Variants in DOCK3 observed in about 807,000 individuals in gnomAD.
DOCK3 encodes dedicator of cytokinesis protein 3.
DOCK3 carries 60 observed loss-of-function variants against 265.6 expected under a neutral mutation model. That is an observed-to-expected ratio of 0.23 (90% CI 0.18 to 0.28). DOCK3 has a LOEUF of 0.28. DOCK3 is among the 10% of genes least tolerant of loss of function. The probability of loss-of-function intolerance (pLI) is 1.00; values close to 1 mark genes in which losing one functional copy is unlikely to be tolerated. For synonymous variants in DOCK3, 881 were observed against 938.0 expected (o/e 0.94, Z 1.11); for missense variants, 1,981 against 2,594.3 (o/e 0.76, Z 5.14).
At chr3:51,128,467 G>C (rs1271212405) in intron 9 of DOCK3, among the ~76,000 whole-genome samples, 5 of 152,212 alleles carry the variant, frequency 3.3e-5, no homozygotes, top group African/African-American at 1.2e-4. Context: ...TGAATTCCAT[G>C]AGCATGAGCC....
chr3:51,354,908 T>C lies in DOCK3; in HGVS notation c.4134T>C (p.His1378=). Reference sequence around the variant, plus strand: ...ACAAAGAATACGTGTGCCGTGGCCATGACTACGAGAGGCTGGAGGCCTTCC... The same window carrying C: ...ACAAAGAATACGTGTGCCGTGGCCACGACTACGAGAGGCTGGAGGCCTTCC... The part of the protein sequence containing the change: ...LRNKEYVCRG[H]DYERLEAFQQ... The change falls in exon 41 of 53, where the codon CAT becomes CAC. Residue 1378 remains histidine (H), a synonymous_variant. Coordinates refer to ENST00000266037, the MANE Select transcript of DOCK3 (RefSeq NM_004947.5). 6 of 1,613,900 alleles carry C rather than the reference T, an allele frequency of 3.7e-6. No individual in the cohort carries two copies. In the Middle Eastern group the frequency reaches 6.6e-4, roughly 177 times the overall value.
intron 7 of DOCK3, among the ~76,000 whole-genome samples, chr3:51,082,935 C>T (rs2109459761): frequency 6.6e-6 from 1 of 152,264 alleles, no homozygotes; most frequent in African/African-American, 2.4e-5. Context: ...TGAGAGGTGG[C>T]ACACCACTGC....
intron 31 of DOCK3, among the ~76,000 whole-genome samples, chr3:51,313,757 A>G (rs1317925594): frequency 6.6e-6 from 1 of 152,190 alleles, no homozygotes; most frequent in African/African-American, 2.4e-5. Flanking sequence ...TCTGCCGGCG[A>G]GAGGGCCTTC....
intron 5 of DOCK3, among the ~76,000 whole-genome samples, chr3:50,951,334 C>T (rs542350531): frequency 9.9e-5 from 15 of 152,240 alleles, no homozygotes; most frequent in Admixed American, 7.9e-4. Flanking sequence ...AACCTTGTCT[C>T]CAGCCAGTTC....
chr3:50,706,039 A>G (rs1440410805), intron 1 of DOCK3, among the ~76,000 whole-genome samples: 1 of 151,962 alleles, frequency 6.6e-6, no homozygotes, highest in Non-Finnish European at 1.5e-5. Context: ...TCAAAAAAAA[A>G]AAAAGTGGCA....
intron 2 of DOCK3, among the ~76,000 whole-genome samples, chr3:50,816,065 G>GT (rs1453241152): frequency 6.6e-6 from 1 of 151,884 alleles, no homozygotes; most frequent in East Asian, 1.9e-4. Context: ...CTTCATTGAA[G>GT]TTTCAGTCTG....
At chr3:50,806,434 G>A (rs2043421138) in intron 2 of DOCK3, among the ~76,000 whole-genome samples, 3 of 151,784 alleles carry the variant, frequency 2.0e-5, no homozygotes, top group Admixed American at 2.0e-4. Flanking sequence ...GTCTGTGTTG[G>A]GTGGGAATGC....
intron 6 of DOCK3, among the ~76,000 whole-genome samples, chr3:51,069,170 A>G (rs2081744648): frequency 6.6e-6 from 1 of 152,188 alleles, no homozygotes; most frequent in East Asian, 1.9e-4. Flanking sequence ...CGCACTTTCT[A>G]CATTGTGCTC....
chr3:51,248,348 A>G (rs1366236951), intron 22 of DOCK3, among the ~76,000 whole-genome samples: 1 of 152,222 alleles, frequency 6.6e-6, no homozygotes, highest in Non-Finnish European at 1.5e-5. Flanking sequence ...GCGCGCTGCC[A>G]CGCCTGACTG....
At chr3:51,174,123 T>C (rs2107657221) in intron 12 of DOCK3, among the ~76,000 whole-genome samples, 1 of 152,290 alleles carries the variant, frequency 6.6e-6, no homozygotes, top group Non-Finnish European at 1.5e-5. Flanking sequence ...TCAGTTCCAG[T>C]ATATCTTTTT....
intron 4 of DOCK3, among the ~76,000 whole-genome samples, chr3:50,904,531 T>C (rs541628567): frequency 6.6e-6 from 1 of 152,364 alleles, no homozygotes; most frequent in South Asian, 2.1e-4. Context: ...GAATATTTTT[T>C]CATGTGTCTG....
intron 7 of DOCK3, among the ~76,000 whole-genome samples, chr3:51,078,114 T>C (rs1278318978): frequency 1.3e-5 from 2 of 151,688 alleles, no homozygotes; most frequent in African/African-American, 4.8e-5. Flanking sequence ...ATGAACAACA[T>C]ACGGAAGGAA....
intron 5 of DOCK3, among the ~76,000 whole-genome samples, chr3:50,937,071 GT>G (rs1385580875): frequency 1.3e-5 from 2 of 151,648 alleles, no homozygotes; most frequent in Non-Finnish European, 2.9e-5. Flanking sequence ...GAGGTCAGGA[GT>G]TTAAGACTAG....
intron 2 of DOCK3, among the ~76,000 whole-genome samples, chr3:50,816,056 T>C (rs2044056812): frequency 6.6e-6 from 1 of 152,130 alleles, no homozygotes. Context: ...ATCTGTCTGC[T>C]TCATTGAAGT....
intron 1 of DOCK3, among the ~76,000 whole-genome samples, chr3:50,770,018 G>T (rs2675778): frequency 2.0e-5 from 3 of 152,198 alleles, no homozygotes; most frequent in Middle Eastern, 6.8e-3. Context: ...AAATCAACAT[G>T]CAAAGCCTTT....
chr3:51,016,881 A>T lies in DOCK3; in HGVS notation c.316-47567A>T, dbSNP rs183362953. Among the ~76,000 whole-genome samples the T allele has an allele frequency of 2.6e-3, 160 of 62,708 alleles. 1 individual carries two copies. The highest frequency in any genetic ancestry group is 4.6e-3 in the South Asian group (7 of 1,514). 41.1% of individuals were successfully genotyped at this position (62,708 alleles called of 152,430 possible). On this transcript the variant is annotated intron_variant, in intron 5 of 52. Transcript: ENST00000266037. ...ATATAAATATATATGATATATGTTT[A>T]TATATATAAATATATATGATATATG...
intron 24 of DOCK3, 55 bp from the exon 25 acceptor site, chr3:51,275,024 T>G: frequency 6.2e-7 from 1 of 1,608,540 alleles, no homozygotes; most frequent in Non-Finnish European, 8.5e-7. Flanking sequence ...ACTGGCTTCC[T>G]GCAGTAGCTA....
At chr3:51,369,165 A>G (rs746722868) in intron 49 of DOCK3, among the ~76,000 whole-genome samples, 1 of 152,274 alleles carries the variant, frequency 6.6e-6, no homozygotes, top group East Asian at 1.9e-4. Flanking sequence ...CTCGCCAGCA[A>G]TGGAACAAAG....
chr3:51,111,926 A>G (rs1015272146), intron 9 of DOCK3, among the ~76,000 whole-genome samples: 11 of 152,210 alleles, frequency 7.2e-5, no homozygotes, highest in African/African-American at 2.7e-4. Context: ...AAAAAGACAT[A>G]CACGTGGCCA....
Sources: allele counts gnomAD v4.1 joint callset (sites outside exome capture counted in the v4.1 genomes callset), GRCh38; gene constraint gnomAD v4.1.1; transcripts MANE v1.5; gene names NCBI Gene and HGNC (gene_info 2026-07-23, HGNC 2026-07-21).